Variants in SENP5 observed in about 807,000 individuals in gnomAD.
The protein encoded by SENP5 is SUMO specific peptidase 5, also known as sentrin-specific protease 5.
In SENP5, 21 loss-of-function variants were observed where a neutral mutation model predicts 74.2. The observed-to-expected ratio is 0.28, with a 90% CI of 0.20 to 0.41. The LOEUF is 0.41. Ranked by LOEUF, SENP5 falls within the 10% of genes least tolerant of loss-of-function variation. SENP5 has a pLI of 1.00. For synonymous variants in SENP5, 311 were observed against 312.7 expected (o/e 0.99, Z 0.06); for missense variants, 717 against 889.1 (o/e 0.81, Z 2.46).
Position 196,923,488 on chromosome 3 carries a change from A to G in SENP5, c.1959A>G (p.Thr653=), listed in dbSNP as rs745694964. ...LEVHWSLITV[T]LSNRIISFYD... Reference sequence around the variant, plus strand: ...TCCACTGGTCTCTCATTACTGTGACACTCTCTAATCGAATTATTTCATTTT... The same window carrying G: ...TCCACTGGTCTCTCATTACTGTGACGCTCTCTAATCGAATTATTTCATTTT... The change falls in exon 7 of 10, where the codon ACA becomes ACG. Residue 653 remains threonine (T), a synonymous_variant. Transcript: ENST00000323460. The G allele has an allele frequency of 6.2e-7, 1 of 1,611,508 alleles. No individual in the cohort carries two copies.
chr3:196,870,067 C>G (rs1030864349), intron 1 of SENP5, among the ~76,000 whole-genome samples: 3 of 152,126 alleles, frequency 2.0e-5, no homozygotes, highest in African/African-American at 7.2e-5. Flanking sequence ...CTGTGCTTCT[C>G]TAGTTGCCAA....
intron 2 of SENP5, among the ~76,000 whole-genome samples, chr3:196,891,358 T>G (rs1714192233): frequency 6.6e-6 from 1 of 152,132 alleles, no homozygotes; most frequent in Admixed American, 6.6e-5. Context: ...TGTTCTGGAA[T>G]TAGGTAGTAG....
intron 1 of SENP5, among the ~76,000 whole-genome samples, chr3:196,878,358 A>C (rs930445855): frequency 6.6e-6 from 1 of 152,144 alleles, no homozygotes; most frequent in African/African-American, 2.4e-5. Context: ...GAGACTTACT[A>C]TCTGGAGTAG....
chr3:196,921,746 C>T (rs902580521), intron 6 of SENP5, among the ~76,000 whole-genome samples: 1 of 152,158 alleles, frequency 6.6e-6, no homozygotes. Context: ...AGTGATTTTG[C>T]TCCAAGGTCA....
chr3:196,919,940 C>A (rs1027536595), intron 6 of SENP5, among the ~76,000 whole-genome samples: 7 of 152,076 alleles, frequency 4.6e-5, no homozygotes, highest in African/African-American at 1.7e-4. Flanking sequence ...TACAATGATG[C>A]CTATTTTTTA....
chr3:196,903,683 T>C, intron 6 of SENP5, 73 bp downstream of exon 6: 1 of 811,042 alleles, frequency 1.2e-6, no homozygotes, highest in Non-Finnish European at 2.0e-6. Context: ...GAAGGATAAG[T>C]ACTTTAATGC....
At chr3:196,912,994 G>T (rs1577835420) in intron 6 of SENP5, 1 of 152,224 alleles carries the variant, frequency 6.6e-6, no homozygotes, top group Non-Finnish European at 1.5e-5. Context: ...GAAGCAAATT[G>T]TGTAATTATC....
chr3:196,887,161 A>G (rs186247290), intron 2 of SENP5, among the ~76,000 whole-genome samples: 207 of 151,982 alleles, frequency 1.4e-3, no homozygotes, highest in Admixed American at 2.7e-3. Context: ...ACTTTTTTGT[A>G]TGTGCATGGT....
At chr3:196,903,922 G>A (rs1483400705) in intron 6 of SENP5, among the ~76,000 whole-genome samples, 2 of 152,214 alleles carry the variant, frequency 1.3e-5, no homozygotes, top group Non-Finnish European at 2.9e-5. Flanking sequence ...ACGGTGCCTC[G>A]CACCTGTTGT....
intron 1 of SENP5, among the ~76,000 whole-genome samples, chr3:196,883,179 G>T (rs1713803654): frequency 6.6e-6 from 1 of 152,114 alleles, no homozygotes; most frequent in Non-Finnish European, 1.5e-5. Flanking sequence ...AATCTTGGGT[G>T]GGGGAGGGTC....
At chr3:196,873,399 C>G (rs956254206) in intron 1 of SENP5, among the ~76,000 whole-genome samples, 1 of 151,976 alleles carries the variant, frequency 6.6e-6, no homozygotes, top group African/African-American at 2.4e-5. Flanking sequence ...GTCTTTAGAT[C>G]TTTAAGTCAA....
At chr3:196,919,263 T>G (rs1203437056) in intron 6 of SENP5, among the ~76,000 whole-genome samples, 1 of 152,166 alleles carries the variant, frequency 6.6e-6, no homozygotes, top group Non-Finnish European at 1.5e-5. Flanking sequence ...GGTGGATTAC[T>G]TGAGGTCAGG....
rs771454548 is a variant in SENP5, at chr3:196,885,633, A to G, written c.452A>G (p.Gln151Arg). The G allele has an allele frequency of 1.2e-6, 2 of 1,614,228 alleles. No homozygotes were observed. The highest frequency in any genetic ancestry group is 1.1e-5 in the South Asian group (1 of 91,082). ...TDFPSNSALG[Q>R]ANGHRPRTDP... ...TTTCCATCAAATAGTGCTTTAGGTC[A>G]GGCCAATGGTCACAGACCTAGGACA... The change falls in exon 2 of 10, where the codon CAG becomes CGG. Residue 151 changes from glutamine to arginine, a missense_variant. Physicochemically the swap from Gln to Arg is conservative, Grantham distance 43. Around this residue, in one of 4 missense-constraint regions of SENP5, gnomAD observed 567 missense variants for 577.4 expected, o/e 0.98. Coordinates refer to ENST00000323460, the MANE Select transcript of SENP5 (RefSeq NM_152699.5).
chr3:196,928,460 G>A lies in SENP5; in HGVS notation c.2106+581G>A, dbSNP rs115079465. Among the ~76,000 whole-genome samples, 1,392 of 152,280 alleles carry A rather than the reference G, an allele frequency of 9.1e-3. 20 individuals carry two copies. Among genetic ancestry groups the A allele is most frequent in the African/African-American group, 0.032 (1,331 of 41,544 alleles). ...GTTGTTTCCAGTGTTTTTGTGTATT[G>A]GATCTCATTTGATCCTTATAACCTG... On this transcript the variant is annotated intron_variant, in intron 8 of 9. Transcript: ENST00000323460.
At chr3:196,868,569 C>T (rs1219360842) in intron 1 of SENP5, among the ~76,000 whole-genome samples, 1 of 152,222 alleles carries the variant, frequency 6.6e-6, no homozygotes, top group East Asian at 1.9e-4. Flanking sequence ...GCGGTATCAG[C>T]CTCCGCTCTA....
rs1440843333 is a variant in SENP5, at chr3:196,874,192, A to G, written c.-32+6119A>G. ...AGGACAATTTTTTTATTCTTAATGA[A>G]GTTTTAAGAGGGAATGATGGTAAAA... On this transcript the variant is annotated intron_variant, in intron 1 of 9. Transcript: ENST00000323460. Among the ~76,000 whole-genome samples, 4 of 146,420 alleles carry G rather than the reference A, an allele frequency of 2.7e-5. 1 individual carries two copies. Among genetic ancestry groups the G allele is most frequent in the Non-Finnish European group, 3.0e-5 (2 of 67,582 alleles).
intron 1 of SENP5, among the ~76,000 whole-genome samples, chr3:196,871,042 C>T (rs373002305): frequency 2.0e-5 from 3 of 151,716 alleles, no homozygotes; most frequent in East Asian, 2.0e-4. Context: ...TGGTGGCGGG[C>T]GCCTATAATC....
chr3:196,906,668 G>GAA (rs1051976010), intron 6 of SENP5, among the ~76,000 whole-genome samples: 2 of 152,226 alleles, frequency 1.3e-5, no homozygotes, highest in African/African-American at 4.8e-5. Flanking sequence ...AGAAGAATGG[G>GAA]AAAAGGCTAG....
rs201227034 is a variant in SENP5, at chr3:196,899,651, C to G, written c.1514-15C>G. The G allele has an allele frequency of 2.0e-6, 3 of 1,536,226 alleles. No homozygotes were observed. The highest frequency in any genetic ancestry group is 2.7e-5 in the African/African-American group (2 of 73,130). On this transcript the variant is annotated splice_polypyrimidine_tract_variant and intron_variant, in intron 2 of 9. Coordinates refer to ENST00000323460, the MANE Select transcript of SENP5 (RefSeq NM_152699.5). ...TGTTTTTCCATCTTAACTTTTCTTTCTTCCTTTATTTAAGGATTCCTAGAT... is the reference window on the plus strand; with the variant it reads ...TGTTTTTCCATCTTAACTTTTCTTTGTTCCTTTATTTAAGGATTCCTAGAT...
Sources: allele counts gnomAD v4.1 joint callset (sites outside exome capture counted in the v4.1 genomes callset), GRCh38; gene constraint gnomAD v4.1.1; regional missense constraint gnomAD v4.1.1; transcripts MANE v1.5; gene names NCBI Gene and HGNC (gene_info 2026-07-23, HGNC 2026-07-21).